The following SULF1 variants were observed in gnomAD, a reference collection of about 807,000 sequenced individuals.
The protein encoded by SULF1 is sulfatase 1, also known as extracellular sulfatase Sulf-1.
In SULF1, 46 loss-of-function variants were observed where a neutral mutation model predicts 110.5. That is an observed-to-expected ratio of 0.42 (90% CI 0.33 to 0.53). SULF1 has a LOEUF of 0.53. SULF1 is among the 20% of genes least tolerant of loss of function. The probability of loss-of-function intolerance (pLI) is 0.12; values close to 1 mark genes in which losing one functional copy is unlikely to be tolerated. For missense variants in SULF1, 941 were observed against 1,094.2 expected, an observed-to-expected ratio of 0.86 and a Z score of 1.98; for synonymous variants, 371 against 387.1, an observed-to-expected ratio of 0.96 and a Z score of 0.49.
intron 8 of SULF1, among the ~76,000 whole-genome samples, chr8:69,589,862 A>G (rs1586486347): frequency 6.6e-6 from 1 of 152,276 alleles, no homozygotes; most frequent in African/African-American, 2.4e-5. Context: ...AGTTGACACC[A>G]TTTCTTCCTA....
At chr8:69,611,655 G>A (rs1808667994) in intron 13 of SULF1, among the ~76,000 whole-genome samples, 1 of 152,154 alleles carries the variant, frequency 6.6e-6, no homozygotes, top group Non-Finnish European at 1.5e-5. Flanking sequence ...TGATGTTCAT[G>A]TTGGCATGAA....
At chr8:69,471,188 T>C (rs979514613) in intron 1 of SULF1, among the ~76,000 whole-genome samples, 3 of 152,220 alleles carry the variant, frequency 2.0e-5, no homozygotes, top group African/African-American at 7.2e-5. Flanking sequence ...TTTATTCTGC[T>C]CTATAGTTTG....
chr8:69,563,756 C>T (rs1586412794), intron 4 of SULF1, 145 bp downstream of exon 4: 1 of 491,102 alleles, frequency 2.0e-6, no homozygotes, highest in Non-Finnish European at 3.6e-6. Context: ...AAAAACTACC[C>T]AGCACTTGTG....
intron 1 of SULF1, among the ~76,000 whole-genome samples, chr8:69,486,799 G>A (rs758455309): frequency 1.3e-5 from 2 of 151,982 alleles, no homozygotes; most frequent in Non-Finnish European, 2.9e-5. Flanking sequence ...CAACTCCCCC[G>A]CCCCTGCAGA....
At chr8:69,568,731 G>T (rs1804991453) in intron 5 of SULF1, among the ~76,000 whole-genome samples, 1 of 152,148 alleles carries the variant, frequency 6.6e-6, no homozygotes, top group Non-Finnish European at 1.5e-5. Flanking sequence ...CTAGAATAAT[G>T]GGTGGAAGAT....
intron 1 of SULF1, among the ~76,000 whole-genome samples, chr8:69,469,550 C>G (rs1808998623): frequency 6.6e-6 from 1 of 152,196 alleles, no homozygotes; most frequent in Non-Finnish European, 1.5e-5. Flanking sequence ...CATCAGGAAA[C>G]TAGAAGGGTT....
At chr8:69,623,397 A>G (rs1417133923) in intron 14 of SULF1, among the ~76,000 whole-genome samples, 1 of 152,224 alleles carries the variant, frequency 6.6e-6, no homozygotes, top group Non-Finnish European at 1.5e-5. Context: ...CGTCCATAAA[A>G]TAAGGATGAA....
chr8:69,579,566 A>ACAC lies in SULF1; in HGVS notation c.412+3357_412+3358insCAC, dbSNP rs1563550387. 1.6e-4 allele frequency among the ~76,000 whole-genome samples: 24 copies of ACAC among 146,236 alleles called. No homozygotes were observed. In the Admixed American group the frequency reaches 1.6e-3, roughly 10 times the overall value. Reference sequence around the variant, plus strand: ...TCTGTCACACACACACACACACACAAAAAAAAAAAAAAATGGGAAGACTGA... The same window carrying ACAC: ...TCTGTCACACACACACACACACACAACACAAAAAAAAAAAAATGGGAAGACTGA... On this transcript the variant is annotated intron_variant, in intron 6 of 22. Transcript: ENST00000402687.
At position 69,658,612 on chromosome 8, in the gene SULF1, T is replaced by G. The variant is rs2130761762; in HGVS notation, c.*77T>G. On this transcript the variant is annotated 3_prime_UTR_variant, in exon 23 of 23. Transcript: ENST00000402687. ...CAGTGTGAATGAAAACATCTATGAGTACAGACAAAACTACAGACTTAGTCT... is the reference window on the plus strand; with the variant it reads ...CAGTGTGAATGAAAACATCTATGAGGACAGACAAAACTACAGACTTAGTCT... 1.7e-6 allele frequency: 2 copies of G among 1,205,034 alleles called. No homozygotes were observed. Among genetic ancestry groups the G allele is most frequent in the Middle Eastern group, 1.9e-4 (1 of 5,250 alleles). The allele number at this position is 1,205,034 out of a possible 1,614,324, so 74.6% of individuals were successfully genotyped here.
Position 69,627,139 on chromosome 8 carries a change from C to T in SULF1, c.1851-71C>T, listed in dbSNP as rs1810140217. On this transcript the variant is annotated intron_variant, in intron 15 of 22. Transcript: ENST00000402687. ...AAGGATTTTGAGGATTAAAATTTCT[C>T]TTTGTTATCTTTAGTGTTTTCTGCT... 49 of 1,196,088 alleles carry T rather than the reference C, an allele frequency of 4.1e-5. 1 individual carries two copies. In the South Asian group the frequency reaches 6.2e-4, roughly 15 times the overall value. The allele number at this position is 1,196,088 out of a possible 1,614,324, so 74.1% of individuals were successfully genotyped here. A position where few individuals can be genotyped will look rare whatever the true frequency, so the allele number is the denominator to read the frequency against.
chr8:69,634,852 G>A (rs112199025), intron 19 of SULF1, among the ~76,000 whole-genome samples: 1,541 of 152,302 alleles, frequency 0.01, 21 homozygotes, highest in African/African-American at 0.035. Context: ...TTGACCCCCA[G>A]GCTGGAGTGC....
At chr8:69,598,460 C>T (rs1326224398) in intron 8 of SULF1, among the ~76,000 whole-genome samples, 1 of 151,802 alleles carries the variant, frequency 6.6e-6, no homozygotes, top group East Asian at 1.9e-4. Flanking sequence ...GGCGCAATCT[C>T]GGCTCACTGC....
At chr8:69,607,444 A>C (rs1163459463) in intron 13 of SULF1, among the ~76,000 whole-genome samples, 13 of 152,162 alleles carry the variant, frequency 8.5e-5, no homozygotes, top group Non-Finnish European at 1.9e-4. Flanking sequence ...GGCCCACTGC[A>C]GCCTCGCCCT....
intron 9 of SULF1, 149 bp from the exon 10 acceptor site, chr8:69,601,505 C>A: frequency 3.2e-6 from 2 of 619,488 alleles, no homozygotes; most frequent in Non-Finnish European, 5.1e-6. Flanking sequence ...AGACTGTAAG[C>A]AAATAGAAAA....
chr8:69,551,863 G>A (rs898807049), intron 3 of SULF1, among the ~76,000 whole-genome samples: 14 of 152,260 alleles, frequency 9.2e-5, no homozygotes, highest in African/African-American at 2.4e-4. Flanking sequence ...AGGCCAAGGC[G>A]GGTGGATCAC....
intron 22 of SULF1, among the ~76,000 whole-genome samples, chr8:69,656,347 G>A (rs1162757762): frequency 6.6e-6 from 1 of 152,152 alleles, no homozygotes; most frequent in East Asian, 1.9e-4. Context: ...TGGGATACAT[G>A]TGCAGGATGC....
chr8:69,499,791 C>G (rs1402156324), intron 2 of SULF1, among the ~76,000 whole-genome samples: 3 of 152,062 alleles, frequency 2.0e-5, no homozygotes, highest in Admixed American at 2.0e-4. Context: ...GCTCTGTTTC[C>G]TAGACTGGAG....
At chr8:69,513,719 C>T (rs1408454416) in intron 3 of SULF1, among the ~76,000 whole-genome samples, 1 of 152,198 alleles carries the variant, frequency 6.6e-6, no homozygotes, top group Non-Finnish European at 1.5e-5. Flanking sequence ...CCTGTTGTTT[C>T]ATCAGCTCAA....
chr8:69,496,440 A>T (rs1449884649), intron 2 of SULF1, among the ~76,000 whole-genome samples: 1 of 152,256 alleles, frequency 6.6e-6, no homozygotes, highest in Non-Finnish European at 1.5e-5. Flanking sequence ...ATGGTGAAAA[A>T]CATTTCTATT....
Sources: gnomAD v4.1 joint callset for allele counts (sites outside exome capture counted in the v4.1 genomes callset) on GRCh38, gnomAD v4.1.1 for gene constraint, MANE v1.5 for transcripts, NCBI Gene and HGNC (gene_info 2026-07-23, HGNC 2026-07-21) for gene names.